Variants in FRMPD2 observed in about 807,000 individuals in gnomAD.
The protein encoded by FRMPD2 is FERM and PDZ domain containing 2, also known as FERM and PDZ domain-containing protein 2.
FRMPD2 carries 96 observed loss-of-function variants against 140.1 expected under a neutral mutation model. The observed-to-expected ratio is 0.69, with a 90% CI of 0.58 to 0.81. The LOEUF is 0.81. Among genes scored for constraint, FRMPD2 ranks in the 40% least tolerant of loss-of-function variants. The pLI is 0.00. For missense variants in FRMPD2, 1,240 were observed against 1,447.4 expected, an observed-to-expected ratio of 0.86 and a Z score of 2.32; for synonymous variants, 449 against 547.6, an observed-to-expected ratio of 0.82 and a Z score of 2.52.
chr10:48,233,554 G>A (rs1422621257), intron 9 of FRMPD2, among the ~76,000 whole-genome samples: 4 of 152,138 alleles, frequency 2.6e-5, no homozygotes, highest in East Asian at 1.9e-4. Context: ...GTGATGAATC[G>A]TATGCCCATA....
chr10:48,265,047 A>G (rs1840656311), intron 1 of FRMPD2, among the ~76,000 whole-genome samples: 1 of 152,242 alleles, frequency 6.6e-6, no homozygotes. Context: ...TAGACAGCCC[A>G]GAAATAAGGC....
intron 17 of FRMPD2, among the ~76,000 whole-genome samples, chr10:48,186,562 CT>C (rs1439256330): frequency 6.6e-6 from 1 of 152,198 alleles, no homozygotes; most frequent in Non-Finnish European, 1.5e-5. Flanking sequence ...TCATTTTTCT[CT>C]TGCTGCCATC....
chr10:48,207,920 T>C (rs1370613036), intron 13 of FRMPD2, among the ~76,000 whole-genome samples: 1 of 152,202 alleles, frequency 6.6e-6, no homozygotes, highest in African/African-American at 2.4e-5. Context: ...CCATTCACCG[T>C]TGATGAAGTC....
At chr10:48,188,803 C>A (rs1294933227) in intron 16 of FRMPD2, among the ~76,000 whole-genome samples, 5 of 152,134 alleles carry the variant, frequency 3.3e-5, no homozygotes, top group Non-Finnish European at 7.4e-5. Context: ...CACATGCAAC[C>A]CTTTACTGCT....
At chr10:48,212,574 T>C (rs1226769484) in intron 12 of FRMPD2, among the ~76,000 whole-genome samples, 1 of 131,982 alleles carries the variant, frequency 7.6e-6, no homozygotes, top group Non-Finnish European at 1.6e-5. Context: ...AAACTCTATG[T>C]TGTTTTTTTT....
chr10:48,240,274 A>T, intron 6 of FRMPD2, 86 bp downstream of exon 6: 1 of 1,436,354 alleles, frequency 7.0e-7, no homozygotes, highest in Non-Finnish European at 9.5e-7. Flanking sequence ...TGCCATCACA[A>T]TGTGGATGTG....
chr10:48,183,203 G>C (rs1393938657), intron 20 of FRMPD2, among the ~76,000 whole-genome samples: 1 of 152,192 alleles, frequency 6.6e-6, no homozygotes, highest in Non-Finnish European at 1.5e-5. Flanking sequence ...GTGACAGGAA[G>C]TTCTCCTGTA....
rs73294220 is a variant in FRMPD2 at position 48,211,177 on chromosome 10, C to T, written c.1611+777G>A. Among the ~76,000 whole-genome samples the T allele has an allele frequency of 2.4e-3, 372 of 152,346 alleles. 3 individuals are homozygous for T. Among genetic ancestry groups the T allele is most frequent in the African/African-American group, 8.6e-3 (357 of 41,582 alleles). On this transcript the variant is annotated intron_variant, in intron 13 of 28. Transcript: ENST00000374201. ...GCATGTGCTTTTTGTCTCCATTTTC[C>T]AGTGCCTGGCCCACAGCAAGGGGAG... is the stretch of plus-strand genomic sequence containing the variant.
intron 3 of FRMPD2, among the ~76,000 whole-genome samples, chr10:48,246,647 T>G (rs948259517): frequency 1.3e-5 from 2 of 152,180 alleles, no homozygotes; most frequent in African/African-American, 4.8e-5. Flanking sequence ...GTGCACTGTT[T>G]AGGGCAGATG....
At position 48,185,408 on chromosome 10, in the gene FRMPD2, A is replaced by T. The variant is rs189009532; in HGVS notation, c.2359+145T>A. ...TTTAGGAACAATTAAAGGGAGAAAA[A>T]AAACAGAAGTGATTACCAGAAAAGG... On this transcript the variant is annotated intron_variant, in intron 18 of 28. Transcript: ENST00000374201. 2.4e-3 allele frequency: 1,522 copies of T among 627,960 alleles called. 12 individuals are homozygous for T. Among genetic ancestry groups the T allele is most frequent in the Non-Finnish European group, 1.6e-3 (555 of 352,398 alleles). 38.9% of individuals were successfully genotyped at this position (627,960 alleles called of 1,614,324 possible).
intron 27 of FRMPD2, among the ~76,000 whole-genome samples, chr10:48,168,150 A>T (rs1838148917): frequency 2.1e-5 from 3 of 141,918 alleles, no homozygotes; most frequent in Admixed American, 2.0e-4. Context: ...AAAAATCCCT[A>T]TTTTCCTGAT....
In FRMPD2 at chr10:48,185,520, A is replaced by G. The variant is rs1437399649; in HGVS notation, c.2359+33T>C. ...ACCTCCCCACTTTGCCCAGCAGTAG[A>G]GACTGGGCCTCACCTACAGGGAGCC... On this transcript the variant is annotated intron_variant, in intron 18 of 28. Coordinates refer to ENST00000374201, the MANE Select transcript of FRMPD2 (RefSeq NM_001018071.4). 9 of 1,487,178 alleles carry G rather than the reference A, an allele frequency of 6.1e-6. No individual in the cohort carries two copies. In the East Asian group the frequency reaches 1.4e-4, roughly 22 times the overall value. The allele number at this position is 1,487,178 out of a possible 1,614,324, so 92.1% of individuals were successfully genotyped here.
At chr10:48,259,375 G>T (rs865886580) in intron 1 of FRMPD2, among the ~76,000 whole-genome samples, 1 of 152,306 alleles carries the variant, frequency 6.6e-6, no homozygotes, top group South Asian at 2.1e-4. Flanking sequence ...TTCTGCAAAA[G>T]TGGAAGGCTG....
At chr10:48,225,550 T>C (rs896559000) in intron 10 of FRMPD2, among the ~76,000 whole-genome samples, 1 of 152,236 alleles carries the variant, frequency 6.6e-6, no homozygotes, top group African/African-American at 2.4e-5. Context: ...TTCTCTCTTT[T>C]GTCTTTAAAA....
chr10:48,249,081 AG>A lies in FRMPD2; in HGVS notation c.248del (p.Pro83LeufsTer27). The A allele has an allele frequency of 6.2e-7, 1 of 1,614,004 alleles. No individual in the cohort carries two copies. Among genetic ancestry groups the A allele is most frequent in the South Asian group, 1.1e-5 (1 of 91,054 alleles). On this transcript the variant is annotated frameshift_variant, in exon 3 of 29. Transcript: ENST00000374201. LOFTEE classifies it high-confidence loss of function. The part of the protein sequence containing the change: ...QGRVSHIEAA[P>X]FKAPELLQGQ... ...CCTGTAGCAGTTCAGGGGCCTTGAA[AG>A]GAGCAGCCTCTATATGAGAAACACG... is the stretch of plus-strand genomic sequence containing the variant.
At chr10:48,186,538 C>T (rs774804318) in intron 17 of FRMPD2, among the ~76,000 whole-genome samples, 1 of 152,166 alleles carries the variant, frequency 6.6e-6, no homozygotes, top group African/African-American at 2.4e-5. Flanking sequence ...GGGGTTTCCG[C>T]TTTTGTTTCT....
intron 20 of FRMPD2, among the ~76,000 whole-genome samples, chr10:48,183,718 A>C (rs1838604162): frequency 6.6e-6 from 1 of 151,722 alleles, no homozygotes; most frequent in South Asian, 2.1e-4. Flanking sequence ...CGGGTGTGGC[A>C]GCGCGTGCCT....
At chr10:48,268,995 C>A (rs1197692044) in intron 1 of FRMPD2, among the ~76,000 whole-genome samples, 4 of 151,934 alleles carry the variant, frequency 2.6e-5, no homozygotes, top group Non-Finnish European at 5.9e-5. Context: ...AAATATGCAA[C>A]AGATTAGGAG....
chr10:48,184,273 G>C (rs887629098), intron 20 of FRMPD2, among the ~76,000 whole-genome samples: 2 of 152,004 alleles, frequency 1.3e-5, no homozygotes, highest in Non-Finnish European at 2.9e-5. Flanking sequence ...GGTCCTCCCT[G>C]CCATGCAAGG....
Sources: gnomAD v4.1 joint callset for allele counts (sites outside exome capture counted in the v4.1 genomes callset) on GRCh38, gnomAD v4.1.1 for gene constraint, MANE v1.5 for transcripts, NCBI Gene and HGNC (gene_info 2026-07-23, HGNC 2026-07-21) for gene names.